The following TBC1D2 variants were observed in gnomAD, a reference collection of about 807,000 sequenced individuals.
TBC1D2 encodes TBC1 domain family member 2.
Under a neutral mutation model 91.1 loss-of-function variants are expected in TBC1D2, and 58 were observed. The observed-to-expected ratio is 0.64, with a 90% confidence interval of 0.52 to 0.79. The LOEUF (loss-of-function observed/expected upper bound fraction) is 0.79, where lower values mean the gene tolerates loss of function less well. TBC1D2 is among the 30% of genes least tolerant of loss of function. The probability of loss-of-function intolerance (pLI) is 0.00; values close to 1 mark genes in which losing one functional copy is unlikely to be tolerated. For missense variants in TBC1D2, 1,080 were observed against 1,208.3 expected (o/e 0.89, Z 1.57); for synonymous variants, 482 against 511.5 (o/e 0.94, Z 0.78).
chr9:98,214,770 G>A (rs912443055), intron 6 of TBC1D2, among the ~76,000 whole-genome samples: 11 of 152,176 alleles, frequency 7.2e-5, no homozygotes, highest in Non-Finnish European at 1.5e-4. Context: ...TGGAAGCTCC[G>A]ATGCCTGCCC....
intron 6 of TBC1D2, among the ~76,000 whole-genome samples, chr9:98,217,142 C>T (rs1828989871): frequency 6.6e-6 from 1 of 152,204 alleles, no homozygotes; most frequent in Admixed American, 6.5e-5. Flanking sequence ...TGGCGTCGGG[C>T]AGTACCTCCC....
intron 9 of TBC1D2, among the ~76,000 whole-genome samples, chr9:98,205,831 GA>G (rs1828637613): frequency 6.6e-6 from 1 of 152,114 alleles, no homozygotes; most frequent in South Asian, 2.1e-4. Context: ...CAAAATGCGG[GA>G]ATTACAGGCG....
chr9:98,226,317 G>C (rs1429126743), intron 5 of TBC1D2, among the ~76,000 whole-genome samples: 1 of 152,296 alleles, frequency 6.6e-6, no homozygotes, highest in Admixed American at 6.5e-5. Context: ...TCGTCTCTGA[G>C]CCCCTCAGCA....
chr9:98,222,549 G>A (rs531898469), intron 5 of TBC1D2, among the ~76,000 whole-genome samples: 4 of 152,362 alleles, frequency 2.6e-5, no homozygotes, highest in Non-Finnish European at 4.4e-5. Flanking sequence ...TCAGCTCCCT[G>A]TGCCTTTAAG....
In TBC1D2 at chr9:98,233,421, G is replaced by T; in HGVS notation, c.776C>A (p.Thr259Asn). Residue 259 changes from threonine (T) to asparagine (N), a missense_variant, in exon 4 of 13, where the codon ACC becomes AAC. Thr to Asn is a moderately conservative substitution (Grantham distance 65). Coordinates refer to ENST00000465784, the MANE Select transcript of TBC1D2 (RefSeq NM_001267571.2). ...AGCCCTGGACAGAGGCTCACCTGGG[G>T]TGCTGGCGTCAGAGGCCAAGGGCTG... ...EEQPLASDAS[T>N]PGREPEDSPK... The T allele has an allele frequency of 6.2e-7, 1 of 1,613,762 alleles. No homozygotes were observed. Among genetic ancestry groups the T allele is most frequent in the Non-Finnish European group, 8.5e-7 (1 of 1,179,818 alleles).
chr9:98,217,396 G>A (rs775766663), intron 6 of TBC1D2, among the ~76,000 whole-genome samples: 3 of 152,380 alleles, frequency 2.0e-5, no homozygotes, highest in Non-Finnish European at 4.4e-5. Flanking sequence ...GGTTCCGGCT[G>A]TAGCCCTGCC....
At position 98,208,951 on chromosome 9, in the gene TBC1D2, G is replaced by A. The variant is rs752502949; in HGVS notation, c.1867C>T (p.Arg623Trp). 17 of 1,613,980 alleles carry A rather than the reference G, an allele frequency of 1.1e-5. No homozygotes were observed. The highest frequency in any genetic ancestry group is 7.7e-5 in the South Asian group (7 of 91,084). ...VPSAELKQLLRAGVPREHRPR... is the reference protein window; with the variant it reads ...VPSAELKQLLWAGVPREHRPR... ...CGGTGTTCACGGGGTACTCCTGCCC[G>A]CAGTAGCTGCTTGAGCTCGGCTGAG... Residue 623 changes from arginine (R) to tryptophan (W), a missense_variant, in exon 9 of 13, where the codon CGG (arginine) becomes TGG (tryptophan). Physicochemically the swap from Arg to Trp is moderately radical, Grantham distance 101. Coordinates refer to ENST00000465784, the MANE Select transcript of TBC1D2 (RefSeq NM_001267571.2).
intron 2 of TBC1D2, among the ~76,000 whole-genome samples, chr9:98,246,934 A>T (rs894632794): frequency 1.1e-4 from 16 of 151,918 alleles, no homozygotes; most frequent in Non-Finnish European, 1.5e-4. Context: ...TTTGAGCAGG[A>T]GGCTGAAGAA....
At chr9:98,231,110 G>T (rs527438299) in intron 4 of TBC1D2, among the ~76,000 whole-genome samples, 19 of 152,186 alleles carry the variant, frequency 1.2e-4, no homozygotes, top group African/African-American at 4.3e-4. Flanking sequence ...GACAGGCAGG[G>T]CAGGCCTCAC....
chr9:98,229,102 C>A lies in TBC1D2; in HGVS notation c.828G>T (p.Leu276=). 3 of 1,614,214 alleles carry A rather than the reference C, an allele frequency of 1.9e-6. No homozygotes were observed. In the South Asian group the frequency reaches 3.3e-5, roughly 18 times the overall value. The change falls in exon 5 of 13, where the codon CTG becomes CTT. Residue 276 remains leucine, a synonymous_variant. Transcript: ENST00000465784. The part of the protein sequence containing the change: ...DSPKPAPKPS[L]TISFAQKAKR... The stretch of plus-strand genomic sequence containing the variant: ...TGGCTTTCTGAGCGAAACTGATGGT[C>A]AGAGAAGGCTTGGGTGCAGGCTTTG...
At chr9:98,202,279 G>A (rs1275288620) in intron 10 of TBC1D2, among the ~76,000 whole-genome samples, 1 of 152,208 alleles carries the variant, frequency 6.6e-6, no homozygotes, top group African/African-American at 2.4e-5. Flanking sequence ...CTCCGTCCTT[G>A]TTTCACTGGA....
At chr9:98,221,544 C>G (rs7866350) in intron 5 of TBC1D2, among the ~76,000 whole-genome samples, 29,439 of 152,056 alleles carry the variant, frequency 0.19, 3,193 homozygotes, top group African/African-American at 0.29. Context: ...ACTAGATACA[C>G]GCTCCTCTGG....
chr9:98,212,407 T>C (rs1828867946), intron 7 of TBC1D2, among the ~76,000 whole-genome samples: 1 of 152,044 alleles, frequency 6.6e-6, no homozygotes, highest in Admixed American at 6.6e-5. Flanking sequence ...CATTAACTCA[T>C]CCTTAGGACT....
intron 5 of TBC1D2, among the ~76,000 whole-genome samples, chr9:98,224,652 G>A (rs182812456): frequency 6.6e-4 from 100 of 152,254 alleles, no homozygotes; most frequent in African/African-American, 2.3e-3. Flanking sequence ...GTGGTCATAA[G>A]TTGTCACTTT....
intron 6 of TBC1D2, among the ~76,000 whole-genome samples, 161 bp downstream of exon 6, chr9:98,220,672 G>A (rs1478899927): frequency 6.6e-6 from 1 of 152,182 alleles, no homozygotes; most frequent in Non-Finnish European, 1.5e-5. Flanking sequence ...AAGAAGCGTA[G>A]AGCAATATTC....
chr9:98,206,357 A>G (rs1277901771), intron 9 of TBC1D2, among the ~76,000 whole-genome samples: 1 of 152,216 alleles, frequency 6.6e-6, no homozygotes, highest in African/African-American at 2.4e-5. Flanking sequence ...TCAGAGAAAG[A>G]TATTTTAGAA....
In TBC1D2 at chr9:98,199,599, G is replaced by A. The variant is rs1217104058; in HGVS notation, c.2580-11C>T. The A allele has an allele frequency of 4.3e-6, 7 of 1,613,626 alleles. No individual in the cohort carries two copies. Among genetic ancestry groups the A allele is most frequent in the Non-Finnish European group, 5.9e-6 (7 of 1,179,994 alleles). On this transcript the variant is annotated splice_polypyrimidine_tract_variant and intron_variant, in intron 12 of 12. Coordinates refer to ENST00000465784, the MANE Select transcript of TBC1D2 (RefSeq NM_001267571.2). ...ATGTTCATCAGCTTCCTGGGAGGAG[G>A]GCACAATCAGCCCAGAGCACGTCAC...
rs1197145515 is a variant in TBC1D2, at chr9:98,255,430, C to A, written c.112G>T (p.Ala38Ser). Residue 38 changes from alanine (A) to serine (S), a missense_variant, in exon 1 of 13, where the codon GCC becomes TCC. Coordinates refer to ENST00000465784, the MANE Select transcript of TBC1D2 (RefSeq NM_001267571.2). ...PPPEEESGDC[A>S]RSLEAVPKKL... ...TTGGGGACCGCCTCCAGGGACCGGG[C>A]GCAGTCCCCCGATTCTTCCTCCGGA... The A allele has an allele frequency of 1.2e-6, 2 of 1,609,388 alleles. No individual in the cohort carries two copies. Among genetic ancestry groups the A allele is most frequent in the Non-Finnish European group, 8.5e-7 (1 of 1,176,800 alleles).
chr9:98,251,379 G>A (rs150819181), intron 2 of TBC1D2, among the ~76,000 whole-genome samples: 9 of 152,088 alleles, frequency 5.9e-5, no homozygotes, highest in African/African-American at 2.2e-4. Flanking sequence ...CAGCAATTCT[G>A]TGAAAGTTTG....
Sources: gnomAD v4.1 joint callset for allele counts (sites outside exome capture counted in the v4.1 genomes callset) on GRCh38, gnomAD v4.1.1 for gene constraint, MANE v1.5 for transcripts, NCBI Gene and HGNC (gene_info 2026-07-23, HGNC 2026-07-21) for gene names.